AATK: variants seen among roughly 807,000 people sequenced by gnomAD.
AATK encodes the protein serine/threonine-protein kinase LMTK1.
A neutral mutation model predicts 114.3 loss-of-function variants in AATK; 91 were observed. The observed-to-expected ratio is 0.80, with a 90% CI of 0.67 to 0.95. The LOEUF (loss-of-function observed/expected upper bound fraction) is 0.95. AATK is among the 40% of genes least tolerant of loss of function. AATK has a pLI of 0.00. For missense variants in AATK, 2,176 were observed against 1,965.2 expected (o/e 1.11, Z -2.03); for synonymous variants, 1,075 against 916.5 (o/e 1.17, Z -3.12).
intron 6 of AATK, among the ~76,000 whole-genome samples, 190 bp downstream of exon 6, chr17:81,127,393 C>T (rs1260552644): frequency 2.6e-5 from 4 of 152,122 alleles, no homozygotes; most frequent in Non-Finnish European, 5.9e-5. Context: ...GCCCAGCCCC[C>T]ACAGTCCCTC....
intron 1 of AATK, among the ~76,000 whole-genome samples, chr17:81,165,132 C>T (rs572278247): frequency 2.0e-5 from 3 of 152,352 alleles, no homozygotes; most frequent in African/African-American, 7.2e-5. Context: ...GATTATCTCC[C>T]ACTCAGGCCA....
At chr17:81,125,052 G>A (rs921499137) in intron 7 of AATK, 38 bp from the exon 8 acceptor site, 1 of 1,389,846 alleles carries the variant, frequency 7.2e-7, no homozygotes, top group Non-Finnish European at 9.6e-7. Context: ...GGGTGAGCAG[G>A]GTGAGCAGGG....
At chr17:81,119,844 C>A in intron 12 of AATK, 92 bp downstream of exon 12, 1 of 1,380,516 alleles carries the variant, frequency 7.2e-7, no homozygotes, top group Non-Finnish European at 9.4e-7. Context: ...GTGCTCCTCC[C>A]ATGATGTCAC....
At chr17:81,140,664 GGCCGTGGGGA>G in intron 1 of AATK, among the ~76,000 whole-genome samples, 1 of 144,842 alleles carries the variant, frequency 6.9e-6, no homozygotes, top group African/African-American at 2.6e-5. Flanking sequence ...GGGACCGTGG[GGCCGTGGGGA>G]CCATGGGGCC....
chr17:81,143,703 A>G (rs1598955780), intron 1 of AATK, among the ~76,000 whole-genome samples: 1 of 152,148 alleles, frequency 6.6e-6, no homozygotes, highest in East Asian at 1.9e-4. Context: ...GACTGTGTGG[A>G]GTCCAGGGGC....
At chr17:81,165,727 C>A (rs1174590595) in intron 1 of AATK, 2 of 1,523,526 alleles carry the variant, frequency 1.3e-6, no homozygotes, top group Non-Finnish European at 1.8e-6. Context: ...GCGGGGGACG[C>A]CAGCCCACAG....
At chr17:81,122,844 G>T in intron 10 of AATK, 21 bp from the exon 11 acceptor site, 1 of 1,453,806 alleles carries the variant, frequency 6.9e-7, no homozygotes, top group South Asian at 1.4e-5. Flanking sequence ...GTCCCCCGGG[G>T]GCCACGTCAG....
At chr17:81,125,614 A>C (rs4969395) in intron 7 of AATK, among the ~76,000 whole-genome samples, 121,873 of 152,140 alleles carry the variant, frequency 0.8, 49,145 homozygotes, top group East Asian at 0.98. Context: ...CTGGCTTTGA[A>C]CCCTGCCTGG....
chr17:81,123,627 C>G (rs549115711), intron 9 of AATK, among the ~76,000 whole-genome samples: 231 of 152,128 alleles, frequency 1.5e-3, no homozygotes, highest in Admixed American at 2.7e-3. Context: ...CACTGATGCA[C>G]TGAAGACCAG....
At chr17:81,128,613 G>A (rs1026562841) in intron 3 of AATK, 64 bp from the exon 4 acceptor site, 71 of 1,542,246 alleles carry the variant, frequency 4.6e-5, no homozygotes, top group African/African-American at 1.6e-4. Flanking sequence ...TTCCTCACCC[G>A]GCCCCTGGAG....
intron 1 of AATK, among the ~76,000 whole-genome samples, chr17:81,145,688 G>A (rs543293633): frequency 3.4e-4 from 47 of 138,338 alleles, no homozygotes; most frequent in Non-Finnish European, 4.1e-4. Context: ...AGCGGAAATC[G>A]TGCCATTGCA....
Position 81,123,235 on chromosome 17 carries a change from C to T in AATK, c.1071G>A (p.Lys357=), listed in dbSNP as rs1474888929. Residue 357 remains lysine (K), a synonymous_variant, in exon 10 of 14, where the codon AAG becomes AAA. Transcript: ENST00000326724. ...TCAGCTGCAGCTGGGGCTTGGGCAG[C>T]TTGAGCTGCTGCTCCCGGACCGTGT... The part of the protein sequence containing the change: ...LAYTVREQQL[K]LPKPQLQLTL... The T allele has an allele frequency of 9.9e-6, 14 of 1,419,092 alleles. No individual in the cohort carries two copies. Among genetic ancestry groups the T allele is most frequent in the Non-Finnish European group, 1.3e-5 (14 of 1,086,738 alleles). The allele number at this position is 1,419,092 out of a possible 1,614,324, so 87.9% of individuals were successfully genotyped here.
At position 81,118,231 on chromosome 17, in the gene AATK, A is replaced by T. The variant is rs1296876009; in HGVS notation, c.*171T>A. On this transcript the variant is annotated 3_prime_UTR_variant, in exon 14 of 14. Transcript: ENST00000326724. Reference sequence around the variant, plus strand: ...GCGGAGCATGGCCGATCTACCATCCAGGGCCTCTCATCCCACGGGCTTCTC... The same window carrying T: ...GCGGAGCATGGCCGATCTACCATCCTGGGCCTCTCATCCCACGGGCTTCTC... The T allele has an allele frequency of 3.1e-6, 2 of 639,902 alleles. No homozygotes were observed. The highest frequency in any genetic ancestry group is 2.0e-5 in the South Asian group (1 of 51,164). 39.6% of individuals were successfully genotyped at this position (639,902 alleles called of 1,614,324 possible).
At position 81,118,322 on chromosome 17, in the gene AATK, C is replaced by A. The variant is rs1418184388; in HGVS notation, c.*80G>T. 1.4e-6 allele frequency: 2 copies of A among 1,460,602 alleles called. No individual in the cohort carries two copies. The highest frequency in any genetic ancestry group is 1.9e-6 in the Non-Finnish European group (2 of 1,071,340). The allele number at this position is 1,460,602 out of a possible 1,614,324, so 90.5% of individuals were successfully genotyped here. On this transcript the variant is annotated 3_prime_UTR_variant, in exon 14 of 14. Transcript: ENST00000326724. ...AACAGCCACCAGGACGTGGTCCCCA[C>A]CTTCTCGGTCACCATCCTCGCTGCT... is the stretch of plus-strand genomic sequence containing the variant.
chr17:81,138,304 T>C (rs1425628094), intron 1 of AATK, among the ~76,000 whole-genome samples: 17 of 115,100 alleles, frequency 1.5e-4, no homozygotes, highest in South Asian at 9.1e-4. Flanking sequence ...TGTGCACACA[T>C]ATCCACACAC....
chr17:81,140,358 G>A (rs2061104275), intron 1 of AATK, among the ~76,000 whole-genome samples: 1 of 152,210 alleles, frequency 6.6e-6, no homozygotes, highest in African/African-American at 2.4e-5. Flanking sequence ...GCTGTAATGT[G>A]TTACTGTAAT....
chr17:81,129,861 C>T (rs971190631), intron 3 of AATK, among the ~76,000 whole-genome samples: 2 of 152,196 alleles, frequency 1.3e-5, no homozygotes, highest in South Asian at 2.1e-4. Flanking sequence ...TGCAGTCCTC[C>T]GCGCCCGCCC....
Position 81,122,279 on chromosome 17 carries a change from T to A in AATK, c.1657A>T (p.Ser553Cys). 6.7e-7 allele frequency: 1 copy of A among 1,499,166 alleles called. No homozygotes were observed. The highest frequency in any genetic ancestry group is 8.8e-7 in the Non-Finnish European group (1 of 1,131,220). The allele number at this position is 1,499,166 out of a possible 1,614,324, so 92.9% of individuals were successfully genotyped here. The change falls in exon 11 of 14, where the codon AGT (serine) becomes TGT (cysteine). Residue 553 changes from serine to cysteine, a missense_variant. Ser to Cys is a moderately radical substitution (Grantham distance 112). Around this residue, in one of 4 missense-constraint regions of AATK, gnomAD observed 1,701 missense variants for 1,394.7 expected, o/e 1.22. Transcript: ENST00000326724. ...TCCTGGTCCGCGGTGGCAGGTGGAC[T>A]GGGGGCGCAGCCGGCGCAGTCAGGG... is the stretch of plus-strand genomic sequence containing the variant. ...HDPDCAGCAPSPPATADQDDD... is the reference protein window; with the variant it reads ...HDPDCAGCAPCPPATADQDDD...
In AATK at chr17:81,148,528, C is replaced by T. The variant is rs191611759; in HGVS notation, c.56-14027G>A. Among the ~76,000 whole-genome samples the T allele has an allele frequency of 3.1e-3, 478 of 152,360 alleles. 1 individual carries two copies. Among genetic ancestry groups the T allele is most frequent in the Non-Finnish European group, 3.4e-3 (229 of 68,030 alleles). On this transcript the variant is annotated intron_variant, in intron 1 of 13. Coordinates refer to ENST00000326724, the MANE Select transcript of AATK (RefSeq NM_001080395.3). The stretch of plus-strand genomic sequence containing the variant: ...GCTGGACCAGTACCAGCCTCTAGAA[C>T]GACCGGCTGGACTTGAAGCCACACA...
Sources: allele counts gnomAD v4.1 joint callset (sites outside exome capture counted in the v4.1 genomes callset), GRCh38; gene constraint gnomAD v4.1.1; regional missense constraint gnomAD v4.1.1; transcripts MANE v1.5; gene names NCBI Gene and HGNC (gene_info 2026-07-23, HGNC 2026-07-21).